Variants in CD101 observed in about 807,000 individuals in gnomAD.
CD101 encodes immunoglobulin superfamily member 2.
In CD101, 76 loss-of-function variants were observed where a neutral mutation model predicts 98.2. That is an observed-to-expected ratio of 0.77 (90% CI 0.64 to 0.94). The LOEUF (loss-of-function observed/expected upper bound fraction) is 0.94. Among genes scored for constraint, CD101 ranks in the 40% least tolerant of loss-of-function variants. CD101 has a pLI of 0.00. For missense variants in CD101, 1,145 were observed against 1,218.8 expected (o/e 0.94, Z 0.90); for synonymous variants, 471 against 472.7 (o/e 1.00, Z 0.05).
At chr1:117,002,313 A>G (rs1652274374) in intron 1 of CD101, among the ~76,000 whole-genome samples, 1 of 152,268 alleles carries the variant, frequency 6.6e-6, no homozygotes. Flanking sequence ...GTTTTAGACT[A>G]TGCTAAAAGA....
At position 117,004,765 on chromosome 1, in the gene CD101, G is replaced by C. The variant is rs899238559; in HGVS notation, c.43+2905G>C. 1.4e-5 allele frequency among the ~76,000 whole-genome samples: 2 copies of C among 146,484 alleles called. No homozygotes were observed. The highest frequency in any genetic ancestry group is 5.1e-5 in the African/African-American group (2 of 39,482). Reference sequence around the variant, plus strand: ...TCTCTGCCAGTCATGCCTTCTACCTGAAAAATACCTTTGAAATCTCCACAC... The same window carrying C: ...TCTCTGCCAGTCATGCCTTCTACCTCAAAAATACCTTTGAAATCTCCACAC... On this transcript the variant is annotated intron_variant, in intron 1 of 9. Coordinates refer to ENST00000682167, the MANE Select transcript of CD101 (RefSeq NM_001256106.3). This position sits in a 1 kb window ranked among gnomAD's most constrained non-coding sequence, Gnocchi z 4.1.
chr1:117,021,925 T>C lies in CD101; in HGVS notation c.2370T>C (p.Thr790=). 1 of 1,613,880 alleles carries C rather than the reference T, an allele frequency of 6.2e-7. No homozygotes were observed. The highest frequency in any genetic ancestry group is 8.5e-7 in the Non-Finnish European group (1 of 1,179,936). ...VEEWLLSTNG[T]WHKLGEKKSG... ...AATGGCTCCTGTCTACAAATGGCAC[T>C]TGGCACAAGCTTGGAGAAAAGAAGT... is the stretch of plus-strand genomic sequence containing the variant. The change falls in exon 7 of 10, where the codon ACT becomes ACC. Residue 790 remains threonine, a synonymous_variant. Coordinates refer to ENST00000682167, the MANE Select transcript of CD101 (RefSeq NM_001256106.3). This position sits in a 1 kb window ranked among gnomAD's most constrained non-coding sequence, Gnocchi z 4.7.
At position 117,017,396 on chromosome 1, in the gene CD101, G is replaced by T; in HGVS notation, c.1535G>T (p.Arg512Ile). Reference sequence around the variant, plus strand: ...ACAGACAGTGGCACATATGAGTGCAGAGTATCTGAGAAGTCTCGGAACCAG... The same window carrying T: ...ACAGACAGTGGCACATATGAGTGCATAGTATCTGAGAAGTCTCGGAACCAG... Reference protein sequence around the residue: ...AITDSGTYECRVSEKSRNQAR... With the variant: ...AITDSGTYECIVSEKSRNQAR... The change falls in exon 5 of 10, where the codon AGA becomes ATA. Residue 512 changes from arginine to isoleucine, a missense_variant. Transcript: ENST00000682167. 1 of 1,614,264 alleles carries T rather than the reference G, an allele frequency of 6.2e-7. No individual in the cohort carries two copies. Among genetic ancestry groups the T allele is most frequent in the Non-Finnish European group, 8.5e-7 (1 of 1,180,046 alleles).
intron 9 of CD101, among the ~76,000 whole-genome samples, chr1:117,035,753 C>T (rs1161672705): frequency 2.6e-5 from 4 of 151,926 alleles, no homozygotes; most frequent in East Asian, 1.9e-4. Context: ...GGGGTTTCAC[C>T]GTGTTAGCCA....
intron 6 of CD101, among the ~76,000 whole-genome samples, chr1:117,020,170 T>C (rs149292527): frequency 7.2e-4 from 110 of 152,250 alleles, no homozygotes; most frequent in African/African-American, 2.6e-3. Context: ...ACTCCTGTAT[T>C]TGGGCTAGGA....
chr1:117,025,897 G>A lies in CD101; in HGVS notation c.2817G>A (p.Leu939=), dbSNP rs376723086. ...CACAGCGGATGGTGCTCACGGTGCTGCCTTCAGGTAACCAGGGGTTTATCT... is the reference window on the plus strand; with the variant it reads ...CACAGCGGATGGTGCTCACGGTGCTACCTTCAGGTAACCAGGGGTTTATCT... ...DESQRMVLTV[L]PSEPTLPSRI... The change falls in exon 8 of 10, where the codon CTG becomes CTA. Residue 939 remains leucine, a synonymous_variant. Coordinates refer to ENST00000682167, the MANE Select transcript of CD101 (RefSeq NM_001256106.3). The A allele has an allele frequency of 1.7e-5, 27 of 1,604,766 alleles. No homozygotes were observed. The highest frequency in any genetic ancestry group is 3.3e-4 in the Middle Eastern group (2 of 6,034).
chr1:117,002,751 C>T (rs1455165560), intron 1 of CD101, among the ~76,000 whole-genome samples: 1 of 152,132 alleles, frequency 6.6e-6, no homozygotes, highest in Non-Finnish European at 1.5e-5. Flanking sequence ...ATAACAAAAT[C>T]TACAGGTAGG....
At chr1:117,034,164 GT>G in intron 9 of CD101, 30 bp downstream of exon 9, 1 of 1,576,802 alleles carries the variant, frequency 6.3e-7, no homozygotes. Flanking sequence ...GCTAACCAGG[GT>G]GTGAATGAAT....
chr1:117,018,296 A>G lies in CD101; in HGVS notation c.1753A>G (p.Ser585Gly), dbSNP rs1462656120. The change falls in exon 6 of 10, where the codon AGC (serine) becomes GGC (glycine). Residue 585 changes from serine (S) to glycine (G), a missense_variant. Transcript: ENST00000682167. This position sits in a 1 kb window ranked among gnomAD's most constrained non-coding sequence, Gnocchi z 4.3. ...TGTGACGTGGCAGTTCCAGCCAGCT[A>G]GCTCTCACATCTTCCACCAGCTTAT... ...LTVTWQFQPA[S>G]SHIFHQLIRI... 6 of 1,614,034 alleles carry G rather than the reference A, an allele frequency of 3.7e-6. No homozygotes were observed. The African/African-American group carries it at 5.3e-5, about 14-fold the overall frequency.
At position 117,005,184 on chromosome 1, in the gene CD101, A is replaced by G. The variant is rs2101110873; in HGVS notation, c.43+3324A>G. On this transcript the variant is annotated intron_variant, in intron 1 of 9. Coordinates refer to ENST00000682167, the MANE Select transcript of CD101 (RefSeq NM_001256106.3). This position sits in a 1 kb window ranked among gnomAD's most constrained non-coding sequence, Gnocchi z 4.4. ...ACAGACGTTGAGACTATAACACAGC[A>G]CCCTCCCTGTCATCCCTCTACTAGG... Among the ~76,000 whole-genome samples, 1 of 151,600 alleles carries G rather than the reference A, an allele frequency of 6.6e-6. No individual in the cohort carries two copies. The highest frequency in any genetic ancestry group is 2.1e-4 in the South Asian group (1 of 4,782).
intron 4 of CD101, among the ~76,000 whole-genome samples, chr1:117,014,539 T>C (rs527382384): frequency 6.6e-6 from 1 of 152,286 alleles, no homozygotes; most frequent in East Asian, 1.9e-4. Context: ...ACCTTTACTT[T>C]ATGAAGGTTG....
At chr1:117,035,513 A>G (rs1243326993) in intron 9 of CD101, among the ~76,000 whole-genome samples, 10 of 151,318 alleles carry the variant, frequency 6.6e-5, no homozygotes, top group Non-Finnish European at 1.2e-4. Flanking sequence ...CAGGTAAGGG[A>G]GCATATTTTT....
intron 4 of CD101, among the ~76,000 whole-genome samples, chr1:117,014,843 C>T (rs1490712325): frequency 6.6e-6 from 1 of 152,200 alleles, no homozygotes; most frequent in Non-Finnish European, 1.5e-5. Flanking sequence ...CCTTGAGTGG[C>T]AGGCCAGGAA....
chr1:117,031,704 C>T (rs146429694), intron 8 of CD101, among the ~76,000 whole-genome samples: 12 of 152,302 alleles, frequency 7.9e-5, no homozygotes, highest in South Asian at 2.1e-4. Flanking sequence ...TTAGGCACTT[C>T]GTTAGATGCT....
chr1:117,021,190 A>G lies in CD101; in HGVS notation c.2018-383A>G, dbSNP rs1230013575. Among the ~76,000 whole-genome samples, 4 of 152,232 alleles carry G rather than the reference A, an allele frequency of 2.6e-5. No individual in the cohort carries two copies. The highest frequency in any genetic ancestry group is 5.9e-5 in the Non-Finnish European group (4 of 68,042). On this transcript the variant is annotated intron_variant, in intron 6 of 9. Coordinates refer to ENST00000682167, the MANE Select transcript of CD101 (RefSeq NM_001256106.3). This position sits in a 1 kb window ranked among gnomAD's most constrained non-coding sequence, Gnocchi z 4.7. Reference sequence around the variant, plus strand: ...CAATCTGATACATGAAATATGACAGAAGAGATGCTTGTGCTTAAATACCGA... The same window carrying G: ...CAATCTGATACATGAAATATGACAGGAGAGATGCTTGTGCTTAAATACCGA...
chr1:117,014,860 T>C (rs1470645449), intron 4 of CD101, among the ~76,000 whole-genome samples: 1 of 152,212 alleles, frequency 6.6e-6, no homozygotes, highest in Non-Finnish European at 1.5e-5. Context: ...GGAAGTGTGT[T>C]GGTGTTCGTT....
intron 1 of CD101, among the ~76,000 whole-genome samples, chr1:117,008,757 C>T (rs888933629): frequency 5.9e-5 from 9 of 152,040 alleles, no homozygotes; most frequent in Non-Finnish European, 1.3e-4. Flanking sequence ...TACTCTTTGT[C>T]CCTGTGGAGT....
intron 4 of CD101, among the ~76,000 whole-genome samples, chr1:117,015,367 C>T (rs1653139200): frequency 1.3e-5 from 2 of 151,758 alleles, no homozygotes; most frequent in South Asian, 4.2e-4. Context: ...AAAAAAAAAT[C>T]ATTAGTTTAA....
At chr1:117,028,258 G>C (rs1433231960) in intron 8 of CD101, among the ~76,000 whole-genome samples, 1 of 152,124 alleles carries the variant, frequency 6.6e-6, no homozygotes, top group Non-Finnish European at 1.5e-5. Context: ...TAGGTATTAG[G>C]AGGTGTAATC....
Sources: allele counts gnomAD v4.1 joint callset (sites outside exome capture counted in the v4.1 genomes callset), GRCh38; gene constraint gnomAD v4.1.1; non-coding constraint Gnocchi (gnomAD v3.1); transcripts MANE v1.5; gene names NCBI Gene and HGNC (gene_info 2026-07-23, HGNC 2026-07-21).